PTPRS: variants seen among roughly 807,000 people sequenced by gnomAD.
PTPRS encodes the protein protein tyrosine phosphatase receptor type S, also known as receptor-type tyrosine-protein phosphatase S.
In PTPRS, 63 loss-of-function variants were observed where a neutral mutation model predicts 215.3. That is an observed-to-expected ratio of 0.29 (90% CI 0.24 to 0.36). The LOEUF (loss-of-function observed/expected upper bound fraction) is 0.36. Among genes scored for constraint, PTPRS ranks in the 10% least tolerant of loss-of-function variants. The pLI, the probability that PTPRS is intolerant of heterozygous loss-of-function variation, is 1.00. For synonymous variants in PTPRS, 1,404 were observed against 1,191.4 expected, an observed-to-expected ratio of 1.18 and a Z score of -3.68; for missense variants, 2,258 against 2,825.8, an observed-to-expected ratio of 0.80 and a Z score of 4.56.
chr19:5,277,249 G>A (rs1200946437), intron 2 of PTPRS, among the ~76,000 whole-genome samples: 1 of 151,564 alleles, frequency 6.6e-6, no homozygotes, highest in Non-Finnish European at 1.5e-5. Flanking sequence ...TTTTCCCCGA[G>A]GGCTGCAACA....
At chr19:5,266,687 T>C (rs1473320466) in intron 4 of PTPRS, among the ~76,000 whole-genome samples, 1 of 151,972 alleles carries the variant, frequency 6.6e-6, no homozygotes, top group Admixed American at 6.6e-5. Context: ...TAAACCACAC[T>C]GCTCCCCCGC....
chr19:5,207,943 C>T lies in PTPRS; in HGVS notation c.5757G>A (p.Arg1919=). The T allele has an allele frequency of 3.1e-6, 5 of 1,613,942 alleles. No homozygotes were observed. The highest frequency in any genetic ancestry group is 4.2e-6 in the Non-Finnish European group (5 of 1,179,990). The change falls in exon 37 of 38, where the codon CGG becomes CGA. Residue 1919 remains arginine (R), a synonymous_variant. Transcript: ENST00000262963. ...TTACCTCTGTCTGCACCATGGCCGG[C>T]CGCTGGGTTCGTAGCATCTTCACCG... The part of the protein sequence containing the change: ...FQTVKMLRTQ[R]PAMVQTEDEY...
In PTPRS at chr19:5,238,946, C is replaced by G; in HGVS notation, c.1822G>C (p.Val608Leu). 4 of 1,610,520 alleles carry G rather than the reference C, an allele frequency of 2.5e-6. No individual in the cohort carries two copies. The highest frequency in any genetic ancestry group is 3.4e-6 in the Non-Finnish European group (4 of 1,178,598). The change falls in exon 13 of 38, where the codon GTG becomes CTG. Residue 608 changes from valine to leucine, a missense_variant. By Grantham distance (32) the Val-to-Leu change is conservative. Around this residue, in one of 6 missense-constraint regions of PTPRS, gnomAD observed 371 missense variants for 446.7 expected, o/e 0.83. Transcript: ENST00000262963. ...SPQGLGAFTP[V>L]VRQRTLQSKP... The stretch of plus-strand genomic sequence containing the variant: ...GACTGCAGCGTGCGCTGCCGCACCA[C>G]GGGGGTGAAGGCGCCCAGGCCCTGC...
At chr19:5,312,438 T>C (rs967981726) in intron 1 of PTPRS, among the ~76,000 whole-genome samples, 16 of 151,694 alleles carry the variant, frequency 1.1e-4, no homozygotes, top group South Asian at 2.1e-4. Context: ...GGCAGGAGGA[T>C]TGCTTGAGCC....
rs956966841 is a variant in PTPRS, at chr19:5,339,433, G to C, written c.-95+1231C>G. Among the ~76,000 whole-genome samples, 1 of 151,756 alleles carries C rather than the reference G, an allele frequency of 6.6e-6. No homozygotes were observed. The highest frequency in any genetic ancestry group is 1.5e-5 in the Non-Finnish European group (1 of 67,946). ...AGGTCCCAGATTTGGGGCGGGGGGT[G>C]TGGCTGAAAAAAAGATTCCCAGTTT... On this transcript the variant is annotated intron_variant, in intron 1 of 37. Coordinates refer to ENST00000262963, the MANE Select transcript of PTPRS (RefSeq NM_002850.4). The surrounding 1 kb of genome is among the most constrained non-coding windows in gnomAD (Gnocchi z 4.2).
intron 1 of PTPRS, among the ~76,000 whole-genome samples, chr19:5,308,526 C>T (rs1018595260): frequency 1.3e-5 from 2 of 152,188 alleles, no homozygotes; most frequent in Non-Finnish European, 2.9e-5. Context: ...AAGGCCTGGG[C>T]TAGTTGTGGC....
chr19:5,226,795 T>G (rs2042543732), intron 16 of PTPRS, among the ~76,000 whole-genome samples: 2 of 152,170 alleles, frequency 1.3e-5, no homozygotes, highest in African/African-American at 4.8e-5. Flanking sequence ...TAAGTTATAT[T>G]GAAAGCAAAG....
intron 1 of PTPRS, chr19:5,292,721 C>G (rs1392570938): frequency 2.0e-5 from 3 of 152,328 alleles, no homozygotes; most frequent in African/African-American, 7.2e-5. Context: ...CATGCACCCC[C>G]CACCGCTACC....
intron 2 of PTPRS, among the ~76,000 whole-genome samples, chr19:5,279,746 G>C (rs1317144556): frequency 1.3e-5 from 2 of 152,034 alleles, no homozygotes; most frequent in African/African-American, 4.8e-5. Context: ...GCTGTGGCGT[G>C]ATCTCGGCTC....
chr19:5,323,035 AGAG>A lies in PTPRS; in HGVS notation c.-95+17626_-95+17628del, dbSNP rs1297283181. Among the ~76,000 whole-genome samples, 4 of 152,068 alleles carry A rather than the reference AGAG, an allele frequency of 2.6e-5. No homozygotes were observed. In the East Asian group the frequency reaches 7.7e-4, roughly 29 times the overall value. ...GTGCAGATGCTGCCATGGACATGGT[AGAG>A]GAGGAGAGAAGCAGATAATGAGTAT... On this transcript the variant is annotated intron_variant, in intron 1 of 37. Coordinates refer to ENST00000262963, the MANE Select transcript of PTPRS (RefSeq NM_002850.4).
chr19:5,209,454 T>C (rs564795862), intron 35 of PTPRS, among the ~76,000 whole-genome samples: 1 of 152,322 alleles, frequency 6.6e-6, no homozygotes, highest in East Asian at 1.9e-4. Flanking sequence ...AAAATTGTTA[T>C]CCTCTGCCAC....
chr19:5,335,372 A>G (rs780996759), intron 1 of PTPRS, among the ~76,000 whole-genome samples: 1 of 152,230 alleles, frequency 6.6e-6, no homozygotes, highest in Non-Finnish European at 1.5e-5. Flanking sequence ...AACCCGCCCT[A>G]GTTTGCACAG....
In PTPRS at chr19:5,229,555, C is replaced by T. The variant is rs1374294763; in HGVS notation, c.2285G>A (p.Arg762His). 7.5e-6 allele frequency: 11 copies of T among 1,465,586 alleles called. No individual in the cohort carries two copies. In the Admixed American group the frequency reaches 1.3e-4, roughly 17 times the overall value. The allele number at this position is 1,465,586 out of a possible 1,614,324, so 90.8% of individuals were successfully genotyped here. ...CCCGCGGGCCTCGGCGCCCTCCATG[C>T]GCACGTAGTGGACCTGGTAGCCGCG... is the stretch of plus-strand genomic sequence containing the variant. Reference protein sequence around the residue: ...QIRGYQVHYVRMEGAEARGPP... With the variant: ...QIRGYQVHYVHMEGAEARGPP... Residue 762 changes from arginine (R) to histidine (H), a missense_variant, in exon 15 of 38, where the codon CGC (arginine) becomes CAC (histidine). This residue lies in a region of PTPRS where 371 missense variants were observed against 446.7 expected (regional missense o/e 0.83). Transcript: ENST00000262963.
At chr19:5,304,819 A>G (rs1472509040) in intron 1 of PTPRS, among the ~76,000 whole-genome samples, 2 of 152,088 alleles carry the variant, frequency 1.3e-5, no homozygotes, top group Non-Finnish European at 2.9e-5. Context: ...AGCATATGCC[A>G]AGGTCTGGAG....
intron 4 of PTPRS, among the ~76,000 whole-genome samples, chr19:5,271,844 C>T (rs942049650): frequency 2.6e-5 from 4 of 151,530 alleles, no homozygotes; most frequent in African/African-American, 9.8e-5. Context: ...CCTGCCTCAG[C>T]CTCCTGAGCA....
At chr19:5,229,722 C>T in intron 14 of PTPRS, 38 bp from the exon 15 acceptor site, 2 of 1,210,312 alleles carry the variant, frequency 1.7e-6, no homozygotes, top group Non-Finnish European at 2.1e-6. Context: ...CGGGCGGAGC[C>T]GTTACCAGGG....
Position 5,222,210 on chromosome 19 carries a change from C to T in PTPRS, c.3114G>A (p.Lys1038=), listed in dbSNP as rs1394081720. 6.2e-7 allele frequency: 1 copy of T among 1,613,752 alleles called. No individual in the cohort carries two copies. The highest frequency in any genetic ancestry group is 8.5e-7 in the Non-Finnish European group (1 of 1,179,908). The change falls in exon 19 of 38, where the codon AAG becomes AAA. Residue 1038 remains lysine (K), a synonymous_variant. Coordinates refer to ENST00000262963, the MANE Select transcript of PTPRS (RefSeq NM_002850.4). The part of the protein sequence containing the change: ...RTFLRDQVSP[K]NFKVKMIMKT... ...TCATGATCATTTTCACCTTGAAGTT[C>T]TTGGGCGAGACTGCCGGGGAGGCGG...
At chr19:5,255,757 C>T (rs2045501133) in intron 9 of PTPRS, among the ~76,000 whole-genome samples, 2 of 152,178 alleles carry the variant, frequency 1.3e-5, no homozygotes, top group African/African-American at 4.8e-5. Context: ...CCCAAGTTAC[C>T]ATGACGACGA....
intron 25 of PTPRS, among the ~76,000 whole-genome samples, chr19:5,217,876 C>T (rs754508596): frequency 6.6e-6 from 1 of 152,138 alleles, no homozygotes; most frequent in Non-Finnish European, 1.5e-5. Flanking sequence ...GGCCTTGATT[C>T]AGTTCTCCTG....
Sources: gnomAD v4.1 joint callset for allele counts (sites outside exome capture counted in the v4.1 genomes callset) on GRCh38, gnomAD v4.1.1 for gene constraint, gnomAD v4.1.1 regional missense constraint, Gnocchi (gnomAD v3.1) non-coding constraint, MANE v1.5 for transcripts, NCBI Gene and HGNC (gene_info 2026-07-23, HGNC 2026-07-21) for gene names.